The following MFSD11 variants were observed in gnomAD, a reference collection of about 807,000 sequenced individuals.
The protein encoded by MFSD11 is UNC93-like protein MFSD11.
A neutral mutation model predicts 53.5 loss-of-function variants in MFSD11; 36 were observed. The ratio of observed to expected loss-of-function variants is 0.67; its 90% CI spans 0.52 to 0.89. The LOEUF (loss-of-function observed/expected upper bound fraction) is 0.89, where lower values mean the gene tolerates loss of function less well. MFSD11 is among the 40% of genes least tolerant of loss of function. The probability of loss-of-function intolerance (pLI) is 0.00; values close to 1 mark genes in which losing one functional copy is unlikely to be tolerated. For missense variants in MFSD11, 530 were observed against 543.9 expected (o/e 0.97, Z 0.25); for synonymous variants, 186 against 184.9 (o/e 1.01, Z -0.05).
In MFSD11 at chr17:76,776,333, G is replaced by C. The variant is rs2081833099; in HGVS notation, c.1050-73G>C. 1 of 1,491,820 alleles carries C rather than the reference G, an allele frequency of 6.7e-7. No homozygotes were observed. The highest frequency in any genetic ancestry group is 9.1e-7 in the Non-Finnish European group (1 of 1,098,928). The allele number at this position is 1,491,820 out of a possible 1,614,324, so 92.4% of individuals were successfully genotyped here. A position where few individuals can be genotyped will look rare whatever the true frequency, so the allele number is the denominator to read the frequency against. ...AACTTGCAGGTAGAATTCTTTTGTG[G>C]GTGGGTTGCTTGTATATTTTAAATG... On this transcript the variant is annotated intron_variant, in intron 11 of 12. Transcript: ENST00000685175. This position sits in a 1 kb window ranked among gnomAD's most constrained non-coding sequence, Gnocchi z 4.2.
chr17:76,748,559 C>T (rs940918585), intron 7 of MFSD11, among the ~76,000 whole-genome samples: 31 of 151,710 alleles, frequency 2.0e-4, no homozygotes, highest in Non-Finnish European at 3.4e-4. Flanking sequence ...TGGTGGTGCA[C>T]GCCTGTAGTC....
intron 2 of MFSD11, 55 bp from the exon 3 acceptor site, chr17:76,740,902 T>G: frequency 2.0e-6 from 2 of 1,002,892 alleles, no homozygotes; most frequent in Non-Finnish European, 3.1e-6. Context: ...TGACACAGCA[T>G]ATAAGGGCTT....
At chr17:76,763,313 G>A (rs1176106579) in intron 8 of MFSD11, among the ~76,000 whole-genome samples, 1 of 151,066 alleles carries the variant, frequency 6.6e-6, no homozygotes, top group Non-Finnish European at 1.5e-5. Flanking sequence ...CACCCAGGCT[G>A]GAGTGCAGTA....
At position 76,776,484 on chromosome 17, in the gene MFSD11, G is replaced by A. The variant is rs770310101; in HGVS notation, c.1128G>A (p.Leu376=). Residue 376 remains leucine, a synonymous_variant, in exon 12 of 13, where the codon TTG becomes TTA. Coordinates refer to ENST00000685175, the MANE Select transcript of MFSD11 (RefSeq NM_001242532.5). The surrounding 1 kb of genome is among the most constrained non-coding windows in gnomAD (Gnocchi z 4.2). ...TTAATACCCAGCTGCTTAGTATCTT[G>A]GGCTTTCTGTATTCTGAAGACAGCG... ...SCFNTQLLSI[L]GFLYSEDSAP... is the part of the protein sequence containing the mutation. 4.3e-6 allele frequency: 7 copies of A among 1,613,860 alleles called. No homozygotes were observed. Among genetic ancestry groups the A allele is most frequent in the African/African-American group, 1.3e-5 (1 of 74,886 alleles).
intron 9 of MFSD11, among the ~76,000 whole-genome samples, chr17:76,767,883 G>A (rs1411743130): frequency 6.6e-6 from 1 of 152,220 alleles, no homozygotes; most frequent in African/African-American, 2.4e-5. Flanking sequence ...CCCAAATTCA[G>A]TGTGGAAGGA....
intron 2 of MFSD11, among the ~76,000 whole-genome samples, chr17:76,740,731 T>C (rs1436373354): frequency 6.6e-6 from 1 of 152,184 alleles, no homozygotes; most frequent in Non-Finnish European, 1.5e-5. Flanking sequence ...AAAAATGTAT[T>C]GTAGGCAGAC....
chr17:76,744,621 G>A (rs1283595648), intron 7 of MFSD11, among the ~76,000 whole-genome samples, 155 bp downstream of exon 7: 1 of 152,132 alleles, frequency 6.6e-6, no homozygotes, highest in Non-Finnish European at 1.5e-5. Context: ...GAGCTGCGAG[G>A]GAGGAAGAAA....
Position 76,769,746 on chromosome 17 carries a change from G to A in MFSD11, c.749G>A (p.Gly250Asp), listed in dbSNP as rs748687745. Reference protein sequence around the residue: ...LLLSITTAYTGLELTFFSGVY... With the variant: ...LLLSITTAYTDLELTFFSGVY... ...ATCTGTTTTTTTTCTTTAACTAAAG[G>A]TCTGGAATTAACTTTCTTCTCTGGT... The change falls in exon 10 of 13, where the codon GGT becomes GAT. Residue 250 changes from glycine (G) to aspartate (D), a missense_variant and splice_region_variant. Coordinates refer to ENST00000685175, the MANE Select transcript of MFSD11 (RefSeq NM_001242532.5). 1.5e-5 allele frequency: 24 copies of A among 1,586,378 alleles called. No homozygotes were observed. In the East Asian group the frequency reaches 4.0e-4, roughly 27 times the overall value.
At chr17:76,754,361 T>G (rs2079363646) in intron 8 of MFSD11, among the ~76,000 whole-genome samples, 1 of 151,878 alleles carries the variant, frequency 6.6e-6, no homozygotes, top group South Asian at 2.1e-4. Context: ...AAGTTGAGAG[T>G]CTTCCTGGGA....
chr17:76,755,038 C>G (rs10451221), intron 8 of MFSD11, among the ~76,000 whole-genome samples: 2 of 151,916 alleles, frequency 1.3e-5, no homozygotes, highest in African/African-American at 4.8e-5. Flanking sequence ...GCCAACATGG[C>G]GAAACCCCAT....
chr17:76,744,891 A>T lies in MFSD11; in HGVS notation c.641+425A>T, dbSNP rs72878139. Among the ~76,000 whole-genome samples the T allele has an allele frequency of 1.6e-3, 239 of 152,344 alleles. 1 individual carries two copies. Among genetic ancestry groups the T allele is most frequent in the Non-Finnish European group, 2.8e-3 (193 of 68,034 alleles). ...GTGTGAGTGAGTGGCAGGGCCAGTG[A>T]TGGTTGTCACAGATGAACCTTGGTT... On this transcript the variant is annotated intron_variant, in intron 7 of 12. Coordinates refer to ENST00000685175, the MANE Select transcript of MFSD11 (RefSeq NM_001242532.5).
downstream of MFSD11, among the ~76,000 whole-genome samples, chr17:76,783,039 TG>T (rs1398998221): frequency 6.6e-6 from 1 of 150,592 alleles, no homozygotes; most frequent in Admixed American, 6.7e-5. Flanking sequence ...TAGCCAAGTG[TG>T]GTGGCAGGAG....
chr17:76,764,414 C>T (rs975179706), intron 8 of MFSD11, among the ~76,000 whole-genome samples: 4 of 152,174 alleles, frequency 2.6e-5, no homozygotes, highest in African/African-American at 9.7e-5. Context: ...CTATTTCCCC[C>T]ACCCTCCAGC....
At chr17:76,791,498 CAT>C in the MFSD11 span, among the ~76,000 whole-genome samples, 1 of 148,620 alleles carries the variant, frequency 6.7e-6, no homozygotes. Flanking sequence ...TTTGATGACT[CAT>C]ATTGTAGACA....
At chr17:76,763,360 G>A (rs1356856291) in intron 8 of MFSD11, among the ~76,000 whole-genome samples, 1 of 151,888 alleles carries the variant, frequency 6.6e-6, no homozygotes, top group Non-Finnish European at 1.5e-5. Context: ...CACCTCCCAG[G>A]TTCAAGTGAT....
chr17:76,776,348 TA>T lies in MFSD11; in HGVS notation c.1050-57del. On this transcript the variant is annotated intron_variant, in intron 11 of 12. Transcript: ENST00000685175. This position sits in a 1 kb window ranked among gnomAD's most constrained non-coding sequence, Gnocchi z 4.2. ...TTCTTTTGTGGGTGGGTTGCTTGTA[TA>T]TTTTAAATGGCTCTAGCAGATATTG... 1.9e-6 allele frequency: 3 copies of T among 1,564,818 alleles called. No individual in the cohort carries two copies. The highest frequency in any genetic ancestry group is 1.7e-6 in the Non-Finnish European group (2 of 1,155,236).
upstream of MFSD11, chr17:76,737,172 G>A (rs1411305969): frequency 1.9e-6 from 3 of 1,540,102 alleles, no homozygotes; most frequent in Admixed American, 3.8e-5. Flanking sequence ...GCTCTGAGTG[G>A]CGGCCCGGAG....
chr17:76,738,022 G>C (rs2077659607), upstream of MFSD11: 1 of 355,520 alleles, frequency 2.8e-6, no homozygotes, highest in Non-Finnish European at 5.1e-6. Context: ...GGAGGGCGGG[G>C]CCGCGCCGGC....
Position 76,776,282 on chromosome 17 carries a change from C to T in MFSD11, c.1050-124C>T. 1 of 1,041,548 alleles carries T rather than the reference C, an allele frequency of 9.6e-7. No homozygotes were observed. Among genetic ancestry groups the T allele is most frequent in the Non-Finnish European group, 1.4e-6 (1 of 730,326 alleles). The allele number at this position is 1,041,548 out of a possible 1,614,324, so 64.5% of individuals were successfully genotyped here. On this transcript the variant is annotated intron_variant, in intron 11 of 12. Coordinates refer to ENST00000685175, the MANE Select transcript of MFSD11 (RefSeq NM_001242532.5). The surrounding 1 kb of genome is among the most constrained non-coding windows in gnomAD (Gnocchi z 4.2). Reference sequence around the variant, plus strand: ...GTGTGAGCCACCGCACCAGCTTTGTCTTTATTTTTGTTTCATAGTGTTTAC... The same window carrying T: ...GTGTGAGCCACCGCACCAGCTTTGTTTTTATTTTTGTTTCATAGTGTTTAC...
Sources: gnomAD v4.1 joint callset for allele counts (sites outside exome capture counted in the v4.1 genomes callset) on GRCh38, gnomAD v4.1.1 for gene constraint, Gnocchi (gnomAD v3.1) non-coding constraint, MANE v1.5 for transcripts, NCBI Gene and HGNC (gene_info 2026-07-23, HGNC 2026-07-21) for gene names.